The following WWP2 variants were observed in gnomAD, a reference collection of about 807,000 sequenced individuals.
WWP2 encodes WW domain containing E3 ubiquitin protein ligase 2, also known as NEDD4-like E3 ubiquitin-protein ligase WWP2.
A neutral mutation model predicts 121.0 loss-of-function variants in WWP2; 57 were observed. The ratio of observed to expected loss-of-function variants is 0.47; its 90% CI spans 0.38 to 0.59. WWP2 has a LOEUF of 0.59. Ranked by LOEUF, WWP2 falls within the 20% of genes least tolerant of loss-of-function variation. The probability of loss-of-function intolerance (pLI) is 0.00; values close to 1 mark genes in which losing one functional copy is unlikely to be tolerated. For synonymous variants in WWP2, 449 were observed against 441.3 expected (o/e 1.02, Z -0.22); for missense variants, 962 against 1,158.9 (o/e 0.83, Z 2.47).
At chr16:69,781,903 A>G (rs2055671374) in intron 1 of WWP2, among the ~76,000 whole-genome samples, 1 of 152,066 alleles carries the variant, frequency 6.6e-6, no homozygotes, top group South Asian at 2.1e-4. Context: ...TGCTCTTGAG[A>G]TAGTGGCCCC....
intron 8 of WWP2, among the ~76,000 whole-genome samples, chr16:69,907,196 G>C (rs2058307674): frequency 6.6e-6 from 1 of 152,180 alleles, no homozygotes; most frequent in Non-Finnish European, 1.5e-5. Flanking sequence ...GATGTTGACG[G>C]TGTAGCCTAT....
intron 7 of WWP2, among the ~76,000 whole-genome samples, chr16:69,887,331 C>T (rs1250681231): frequency 6.6e-6 from 1 of 152,026 alleles, no homozygotes; most frequent in Non-Finnish European, 1.5e-5. Context: ...TCATGTCTAG[C>T]AAACAAATGA....
intron 9 of WWP2, among the ~76,000 whole-genome samples, chr16:69,913,332 CAA>C (rs1351828649): frequency 2.6e-5 from 4 of 151,042 alleles, no homozygotes; most frequent in Admixed American, 2.0e-4. Context: ...CACGCCCAGC[CAA>C]AAAAAAGTTT....
intron 4 of WWP2, among the ~76,000 whole-genome samples, chr16:69,815,787 G>GA (rs767903816): frequency 0.019 from 1,788 of 95,754 alleles, 29 homozygotes; most frequent in African/African-American, 0.056. Context: ...ACTCCGTCTC[G>GA]AAAAAAAAAA....
intron 1 of WWP2, among the ~76,000 whole-genome samples, chr16:69,777,723 G>C (rs1020036562): frequency 6.6e-6 from 1 of 151,586 alleles, no homozygotes; most frequent in Non-Finnish European, 1.5e-5. Flanking sequence ...TAGAGGATAA[G>C]TTCAGAGGAA....
At chr16:69,930,006 G>A (rs2151988901) in intron 12 of WWP2, 124 bp from the exon 13 acceptor site, 5 of 1,410,768 alleles carry the variant, frequency 3.5e-6, no homozygotes, top group Non-Finnish European at 4.8e-6. Flanking sequence ...CTTCTTGGGT[G>A]CATGTCCTCA....
intron 6 of WWP2, among the ~76,000 whole-genome samples, chr16:69,854,043 A>G (rs190776017): frequency 1.3e-5 from 2 of 152,368 alleles, no homozygotes; most frequent in East Asian, 3.9e-4. Flanking sequence ...CGTATTCCTG[A>G]CAGTGAACCA....
At chr16:69,908,228 G>C (rs1033998333) in intron 8 of WWP2, among the ~76,000 whole-genome samples, 1 of 152,182 alleles carries the variant, frequency 6.6e-6, no homozygotes, top group Non-Finnish European at 1.5e-5. Context: ...CTGGGCAACA[G>C]AGTGAGACCC....
At chr16:69,930,483 C>A (rs578261130) in intron 13 of WWP2, among the ~76,000 whole-genome samples, 32 of 152,086 alleles carry the variant, frequency 2.1e-4, no homozygotes, top group Non-Finnish European at 3.4e-4. Context: ...GTCTCCACAA[C>A]AATAAAAAAG....
intron 8 of WWP2, among the ~76,000 whole-genome samples, chr16:69,894,242 AT>A (rs34251036): frequency 0.14 from 18,546 of 131,938 alleles, 1,208 homozygotes; most frequent in Non-Finnish European, 0.17. Context: ...TACCCAGGCT[AT>A]TTTTTTTTTT....
chr16:69,843,291 C>A (rs75694192), intron 6 of WWP2, among the ~76,000 whole-genome samples: 3,444 of 152,034 alleles, frequency 0.023, 130 homozygotes, highest in African/African-American at 0.075. Flanking sequence ...ATACGTATTA[C>A]AAATGACGTA....
chr16:69,827,712 G>A (rs762601279), intron 4 of WWP2, among the ~76,000 whole-genome samples: 4 of 152,244 alleles, frequency 2.6e-5, no homozygotes, highest in Admixed American at 6.5e-5. Context: ...GGTTCCCTGA[G>A]GGCACAGAGC....
intron 6 of WWP2, among the ~76,000 whole-genome samples, chr16:69,857,747 G>A (rs2057344649): frequency 1.4e-5 from 2 of 140,178 alleles, no homozygotes; most frequent in East Asian, 2.2e-4. Flanking sequence ...CTGCAGCCTC[G>A]ACCTCCCAGG....
chr16:69,921,711 A>C (rs2151977739), intron 10 of WWP2, among the ~76,000 whole-genome samples: 1 of 152,248 alleles, frequency 6.6e-6, no homozygotes, highest in South Asian at 2.1e-4. Flanking sequence ...AGCCTTGCAC[A>C]TTGTGCTGTT....
intron 9 of WWP2, among the ~76,000 whole-genome samples, chr16:69,910,938 A>G (rs773682328): frequency 6.6e-6 from 1 of 152,164 alleles, no homozygotes; most frequent in Non-Finnish European, 1.5e-5. Context: ...TGCATAGCTT[A>G]CTAGTCCTTC....
chr16:69,775,286 G>T (rs1287079600), intron 1 of WWP2: 6 of 152,166 alleles, frequency 3.9e-5, no homozygotes, highest in African/African-American at 1.4e-4. Context: ...TCAGGGGAAG[G>T]TCAGAAAATC....
intron 1 of WWP2, among the ~76,000 whole-genome samples, chr16:69,784,302 G>A (rs1342103149): frequency 6.6e-6 from 1 of 152,028 alleles, no homozygotes; most frequent in East Asian, 1.9e-4. Context: ...GTTTCACCAT[G>A]TTGGTCAGGC....
Position 69,839,187 on chromosome 16 carries a change from T to C in WWP2, c.341-939T>C, listed in dbSNP as rs561987089. ...GCGGGTGGGGAGGGAGGTTCAGATA[T>C]GTGGTTTTGTAAGGTGTGGAGTGGA... On this transcript the variant is annotated intron_variant, in intron 4 of 23. Transcript: ENST00000359154. 3.9e-5 allele frequency among the ~76,000 whole-genome samples: 6 copies of C among 152,160 alleles called. No individual in the cohort carries two copies. The South Asian group carries it at 1.0e-3, about 26-fold the overall frequency.
intron 6 of WWP2, among the ~76,000 whole-genome samples, chr16:69,862,242 T>C (rs1056538238): frequency 1.8e-4 from 28 of 152,164 alleles, no homozygotes; most frequent in African/African-American, 6.0e-4. Context: ...ATTTTGTATT[T>C]TTAGTAGACA....
Sources: gnomAD v4.1 joint callset for allele counts (sites outside exome capture counted in the v4.1 genomes callset) on GRCh38, gnomAD v4.1.1 for gene constraint, MANE v1.5 for transcripts, NCBI Gene and HGNC (gene_info 2026-07-23, HGNC 2026-07-21) for gene names.